CDH7: variants seen among roughly 807,000 people sequenced by gnomAD.
CDH7 encodes the protein cadherin-7.
In CDH7, 25 loss-of-function variants were observed where a neutral mutation model predicts 71.8. The ratio of observed to expected loss-of-function variants is 0.35; its 90% CI spans 0.25 to 0.49. The LOEUF (loss-of-function observed/expected upper bound fraction) is 0.49, where lower values mean the gene tolerates loss of function less well. Among genes scored for constraint, CDH7 ranks in the 20% least tolerant of loss-of-function variants. The pLI is 0.99. For missense variants in CDH7, 862 were observed against 974.6 expected (o/e 0.88, Z 1.54); for synonymous variants, 381 against 363.8 (o/e 1.05, Z -0.54).
intron 11 of CDH7, among the ~76,000 whole-genome samples, chr18:65,873,190 T>G (rs1314110024): frequency 6.6e-6 from 1 of 152,132 alleles, no homozygotes; most frequent in Non-Finnish European, 1.5e-5. Context: ...GGCAGATTTT[T>G]TATTTTGATT....
At chr18:65,814,659 A>G in intron 4 of CDH7, 55 bp downstream of exon 4, 1 of 1,495,080 alleles carries the variant, frequency 6.7e-7, no homozygotes, top group Non-Finnish European at 9.1e-7. Flanking sequence ...GCTGCTTAGA[A>G]TTAATATTAT....
chr18:65,875,794 G>T (rs1914057222), intron 11 of CDH7, among the ~76,000 whole-genome samples: 1 of 152,040 alleles, frequency 6.6e-6, no homozygotes, highest in South Asian at 2.1e-4. Context: ...CATGTGTGGT[G>T]GTGCATGGCT....
In CDH7 at chr18:65,840,023, T is replaced by C. The variant is rs145157558; in HGVS notation, c.982-3789T>C. On this transcript the variant is annotated intron_variant, in intron 6 of 11. Coordinates refer to ENST00000397968, the MANE Select transcript of CDH7 (RefSeq NM_004361.5). ...TACAGAATTTAAAATCTGGGTTACC[T>C]ATCAAAAATTATTATTTGCAAACAA... Among the ~76,000 whole-genome samples the C allele has an allele frequency of 2.5e-3, 384 of 152,336 alleles. 3 individuals carry two copies. Among genetic ancestry groups the C allele is most frequent in the African/African-American group, 8.7e-3 (362 of 41,580 alleles).
chr18:65,848,780 AATC>A (rs1470934217), intron 7 of CDH7, among the ~76,000 whole-genome samples: 1 of 152,186 alleles, frequency 6.6e-6, no homozygotes, highest in African/African-American at 2.4e-5. Context: ...CATTTCTAAT[AATC>A]TAAATATAGA....
At chr18:65,797,434 A>G (rs1415494841) in intron 2 of CDH7, among the ~76,000 whole-genome samples, 1 of 152,128 alleles carries the variant, frequency 6.6e-6, no homozygotes, top group African/African-American at 2.4e-5. Flanking sequence ...AAAGCAGGGG[A>G]TGGAAGTTTC....
chr18:65,849,922 G>A (rs1045661904), intron 7 of CDH7, among the ~76,000 whole-genome samples: 2 of 151,772 alleles, frequency 1.3e-5, no homozygotes, highest in African/African-American at 2.4e-5. Flanking sequence ...CCAGCATTTT[G>A]GGAGGCCGAG....
intron 4 of CDH7, among the ~76,000 whole-genome samples, chr18:65,817,208 C>T (rs1568201181): frequency 6.6e-6 from 1 of 152,110 alleles, no homozygotes; most frequent in Non-Finnish European, 1.5e-5. Context: ...AGTATAACTA[C>T]GTGGTGGCTG....
chr18:65,847,294 G>A (rs922802901), intron 7 of CDH7, among the ~76,000 whole-genome samples: 3 of 152,140 alleles, frequency 2.0e-5, no homozygotes, highest in African/African-American at 7.2e-5. Context: ...AGTTCTTTGA[G>A]GAATGGAAAA....
At position 65,857,774 on chromosome 18, in the gene CDH7, C is replaced by T. The variant is rs201219188; in HGVS notation, c.1236-42C>T. On this transcript the variant is annotated intron_variant, in intron 7 of 11. Transcript: ENST00000397968. ...ATAGTTTCAGCAAATTATAATCAAA[C>T]GTACATGTTGAAGGCTTTTCTTTTC... 3.7e-4 allele frequency: 590 copies of T among 1,588,274 alleles called. 2 individuals carry two copies. The highest frequency in any genetic ancestry group is 2.3e-4 in the African/African-American group (17 of 74,082).
chr18:65,867,192 C>T (rs577177192), intron 11 of CDH7, among the ~76,000 whole-genome samples: 63 of 152,082 alleles, frequency 4.1e-4, no homozygotes, highest in African/African-American at 1.4e-3. Context: ...CCTGCCACCA[C>T]GCCCGGCTAA....
intron 6 of CDH7, among the ~76,000 whole-genome samples, chr18:65,827,700 T>G (rs1328446175): frequency 6.6e-6 from 1 of 151,942 alleles, no homozygotes; most frequent in Non-Finnish European, 1.5e-5. Context: ...TATCTTAATG[T>G]GGAGAATATA....
At chr18:65,757,863 T>G (rs761102856) in intron 1 of CDH7, among the ~76,000 whole-genome samples, 5 of 152,060 alleles carry the variant, frequency 3.3e-5, no homozygotes, top group South Asian at 2.1e-4. Flanking sequence ...CATGCATGGA[T>G]GCAGAGTACT....
rs1425933625 is a variant in CDH7 at position 65,781,854 on chromosome 18, CTTTCTTTCTT to C, written c.210+18804_210+18813del. 1.5e-3 allele frequency among the ~76,000 whole-genome samples: 130 copies of C among 86,312 alleles called. 6 individuals carry two copies. Among genetic ancestry groups the C allele is most frequent in the African/African-American group, 9.0e-3 (104 of 11,492 alleles). The allele number at this position is 86,312 out of a possible 152,430, so 56.6% of individuals were successfully genotyped here. On this transcript the variant is annotated intron_variant, in intron 2 of 11. Coordinates refer to ENST00000397968, the MANE Select transcript of CDH7 (RefSeq NM_004361.5). ...TCTTTCTTTCTTTCTTTCTTTCTTTCTTTCTTTCTTTCTCTCTCTCTCTCTGTCTCTCTCT... is the reference window on the plus strand; with the variant it reads ...TCTTTCTTTCTTTCTTTCTTTCTTTCTCTCTCTCTCTCTCTGTCTCTCTCT...
chr18:65,834,121 T>C (rs1912450150), intron 6 of CDH7, among the ~76,000 whole-genome samples: 1 of 152,072 alleles, frequency 6.6e-6, no homozygotes, highest in Non-Finnish European at 1.5e-5. Flanking sequence ...AAGAAATAGA[T>C]AGGAGAGAAT....
intron 2 of CDH7, among the ~76,000 whole-genome samples, chr18:65,773,736 G>A (rs928036012): frequency 2.6e-5 from 4 of 152,094 alleles, no homozygotes; most frequent in Non-Finnish European, 5.9e-5. Context: ...TGAGCTTAAT[G>A]AGGAAAGGGA....
intron 2 of CDH7, among the ~76,000 whole-genome samples, chr18:65,804,278 A>T (rs1001181061): frequency 1.3e-5 from 2 of 152,158 alleles, no homozygotes; most frequent in Non-Finnish European, 2.9e-5. Flanking sequence ...GGTCACAATT[A>T]TGCAAGTTCA....
At chr18:65,871,930 C>T (rs943395172) in intron 11 of CDH7, among the ~76,000 whole-genome samples, 2 of 152,010 alleles carry the variant, frequency 1.3e-5, no homozygotes, top group Non-Finnish European at 2.9e-5. Flanking sequence ...TCTTGCCATA[C>T]AAGAGGCAGT....
chr18:65,806,238 A>G (rs555839109), intron 2 of CDH7, among the ~76,000 whole-genome samples: 3 of 152,110 alleles, frequency 2.0e-5, no homozygotes, highest in Non-Finnish European at 4.4e-5. Context: ...TTGCCTTATC[A>G]TGAGCTAGAT....
chr18:65,806,056 G>T (rs2143896600), intron 2 of CDH7, among the ~76,000 whole-genome samples: 1 of 152,280 alleles, frequency 6.6e-6, no homozygotes, highest in East Asian at 1.9e-4. Context: ...GGGCCTGATG[G>T]AACATTAATA....
Sources: gnomAD v4.1 joint callset for allele counts (sites outside exome capture counted in the v4.1 genomes callset) on GRCh38, gnomAD v4.1.1 for gene constraint, MANE v1.5 for transcripts, NCBI Gene and HGNC (gene_info 2026-07-23, HGNC 2026-07-21) for gene names.